Variants in TSHZ1 observed in about 807,000 individuals in gnomAD.
TSHZ1 encodes the protein teashirt zinc finger homeobox 1.
A neutral mutation model predicts 67.1 loss-of-function variants in TSHZ1; 12 were observed. That is an observed-to-expected ratio of 0.18 (90% confidence interval 0.11 to 0.29). The LOEUF is 0.29. TSHZ1 is among the 10% of genes least tolerant of loss of function. The pLI is 1.00. For synonymous variants in TSHZ1, 632 were observed against 622.4 expected (o/e 1.02, Z -0.23); for missense variants, 1,305 against 1,413.9 (o/e 0.92, Z 1.23).
chr18:75,212,429 A>C (rs536165918), intron 1 of TSHZ1, among the ~76,000 whole-genome samples: 1 of 151,762 alleles, frequency 6.6e-6, no homozygotes, highest in Non-Finnish European at 1.5e-5. Flanking sequence ...TATTACCTCT[A>C]AAGATGTCTT....
chr18:75,287,033 C>A lies in TSHZ1; in HGVS notation c.1626C>A (p.Asp542Glu). ...LYPYLREEDL[D>E]DSPKGGLDIL... ...CGTACCTGCGTGAGGAGGACCTGGA[C>A]GACAGCCCCAAGGGAGGGCTGGACA... is the stretch of plus-strand genomic sequence containing the variant. Residue 542 changes from aspartate (D) to glutamate (E), a missense_variant, in exon 2 of 2, where the codon GAC becomes GAA. Transcript: ENST00000580243. This position sits in a 1 kb window ranked among gnomAD's most constrained non-coding sequence, Gnocchi z 5.0. 6.2e-7 allele frequency: 1 copy of A among 1,613,972 alleles called. No homozygotes were observed. Among genetic ancestry groups the A allele is most frequent in the South Asian group, 1.1e-5 (1 of 91,080 alleles).
chr18:75,218,787 A>T (rs999864211), intron 1 of TSHZ1, among the ~76,000 whole-genome samples: 1 of 152,260 alleles, frequency 6.6e-6, no homozygotes, highest in Non-Finnish European at 1.5e-5. Context: ...ATGGACAAAG[A>T]ACAGCAAGTG....
At chr18:75,243,519 T>G (rs1046345943) in intron 1 of TSHZ1, among the ~76,000 whole-genome samples, 1 of 151,700 alleles carries the variant, frequency 6.6e-6, no homozygotes, top group African/African-American at 2.4e-5. Context: ...CTGGGTGGGC[T>G]GAGGGGTGGG....
At chr18:75,262,880 C>T (rs1273062870) in intron 1 of TSHZ1, among the ~76,000 whole-genome samples, 1 of 152,204 alleles carries the variant, frequency 6.6e-6, no homozygotes, top group East Asian at 1.9e-4. Context: ...CTTCGAGGGG[C>T]TCAGAGAACA....
chr18:75,234,895 C>T (rs1181236310), intron 1 of TSHZ1, among the ~76,000 whole-genome samples: 1 of 152,158 alleles, frequency 6.6e-6, no homozygotes, highest in African/African-American at 2.4e-5. Context: ...TATTGTGGTG[C>T]ACCACAGTGC....
chr18:75,287,912 C>T lies in TSHZ1; in HGVS notation c.2505C>T (p.Ser835=), dbSNP rs142726083. 1.9e-5 allele frequency: 30 copies of T among 1,614,186 alleles called. No individual in the cohort carries two copies. The African/African-American group carries it at 2.3e-4, about 12-fold the overall frequency. Residue 835 remains serine (S), a synonymous_variant, in exon 2 of 2, where the codon AGC becomes AGT. Coordinates refer to ENST00000580243, the MANE Select transcript of TSHZ1 (RefSeq NM_001308210.2). This position sits in a 1 kb window ranked among gnomAD's most constrained non-coding sequence, Gnocchi z 5.0. ...CGGTGGCATCACCTCTGCGGGAGAG[C>T]GCACTCATGGACATCTCCGACATGG... ...ADSVASPLRE[S]ALMDISDMVK... is the part of the protein sequence containing the mutation.
In TSHZ1 at chr18:75,257,056, G is replaced by A. The variant is rs890819836; in HGVS notation, c.41-28392G>A. ...GATGTGCATTTGTTGCTTCAAAGATGTATGTGAAACACCCTACTCTATCTG... is the reference window on the plus strand; with the variant it reads ...GATGTGCATTTGTTGCTTCAAAGATATATGTGAAACACCCTACTCTATCTG... On this transcript the variant is annotated intron_variant, in intron 1 of 1. Transcript: ENST00000580243. Among the ~76,000 whole-genome samples, 28 of 152,326 alleles carry A rather than the reference G, an allele frequency of 1.8e-4. 1 individual carries two copies. The highest frequency in any genetic ancestry group is 6.3e-4 in the African/African-American group (26 of 41,582).
chr18:75,267,329 A>G (rs1011184468), intron 1 of TSHZ1, among the ~76,000 whole-genome samples: 2 of 152,222 alleles, frequency 1.3e-5, no homozygotes, highest in African/African-American at 2.4e-5. Context: ...GACAGACCCC[A>G]TCTCACCCAT....
intron 1 of TSHZ1, among the ~76,000 whole-genome samples, chr18:75,271,179 C>T (rs762890278): frequency 2.6e-5 from 4 of 151,984 alleles, no homozygotes; most frequent in Non-Finnish European, 5.9e-5. Flanking sequence ...CACAGGCAGC[C>T]GATCAGAAGA....
At chr18:75,214,865 G>A (rs1055063432) in intron 1 of TSHZ1, among the ~76,000 whole-genome samples, 3 of 152,090 alleles carry the variant, frequency 2.0e-5, no homozygotes, top group Non-Finnish European at 4.4e-5. Flanking sequence ...CAGGCGTAAC[G>A]ATTAATGCGG....
At chr18:75,254,769 A>G (rs1334345941) in intron 1 of TSHZ1, among the ~76,000 whole-genome samples, 1 of 152,212 alleles carries the variant, frequency 6.6e-6, no homozygotes, top group Non-Finnish European at 1.5e-5. Context: ...TCTGGTTATC[A>G]CTGATCGCTC....
chr18:75,281,998 C>A lies in TSHZ1; in HGVS notation c.41-3450C>A, dbSNP rs2023693086. Reference sequence around the variant, plus strand: ...GTCCCTAGGGCAGGGACTTTATGGACCCCCTCCTTCGACGTCCGCACTCCC... The same window carrying A: ...GTCCCTAGGGCAGGGACTTTATGGAACCCCTCCTTCGACGTCCGCACTCCC... On this transcript the variant is annotated intron_variant, in intron 1 of 1. Transcript: ENST00000580243. This position sits in a 1 kb window ranked among gnomAD's most constrained non-coding sequence, Gnocchi z 5.3. 6.6e-6 allele frequency among the ~76,000 whole-genome samples: 1 copy of A among 152,128 alleles called. No individual in the cohort carries two copies. Among genetic ancestry groups the A allele is most frequent in the African/African-American group, 2.4e-5 (1 of 41,426 alleles).
intron 1 of TSHZ1, chr18:75,284,329 C>G (rs2023723279): frequency 6.6e-6 from 1 of 152,648 alleles, no homozygotes; most frequent in Non-Finnish European, 1.5e-5. Flanking sequence ...AGTCGCTCCG[C>G]TGTGCAGTCG....
At chr18:75,268,978 A>T (rs949611118) in intron 1 of TSHZ1, among the ~76,000 whole-genome samples, 1 of 152,188 alleles carries the variant, frequency 6.6e-6, no homozygotes, top group Non-Finnish European at 1.5e-5. Context: ...GAGCCTTCAG[A>T]ACTTGGGAAG....
At chr18:75,237,788 TTTCA>T (rs896777505) in intron 1 of TSHZ1, among the ~76,000 whole-genome samples, 6 of 87,808 alleles carry the variant, frequency 6.8e-5, no homozygotes, top group African/African-American at 1.8e-4. Flanking sequence ...GCCTTCTTTC[TTTCA>T]TTTATTTATT....
At chr18:75,282,209 G>A (rs1419883459) in intron 1 of TSHZ1, among the ~76,000 whole-genome samples, 5 of 152,186 alleles carry the variant, frequency 3.3e-5, no homozygotes, top group Admixed American at 6.5e-5. Flanking sequence ...GTCTTGGAGC[G>A]TGGTCTGGAC....
chr18:75,247,167 C>T (rs894212811), intron 1 of TSHZ1, among the ~76,000 whole-genome samples: 5 of 152,030 alleles, frequency 3.3e-5, no homozygotes, highest in Admixed American at 6.5e-5. Context: ...TTTCAGTTGC[C>T]GCATCGACCC....
intron 1 of TSHZ1, among the ~76,000 whole-genome samples, chr18:75,237,349 C>T (rs2023086413): frequency 6.6e-6 from 1 of 151,986 alleles, no homozygotes; most frequent in African/African-American, 2.4e-5. Context: ...TGGCGAAACC[C>T]CATATCTACA....
In TSHZ1 at chr18:75,251,402, G is replaced by A. The variant is rs180749026; in HGVS notation, c.41-34046G>A. 2.3e-3 allele frequency among the ~76,000 whole-genome samples: 354 copies of A among 150,924 alleles called. 2 individuals are homozygous for A. The highest frequency in any genetic ancestry group is 4.6e-3 in the Admixed American group (70 of 15,182). ...ATTTTTCAAACAAAGATGGGAGGAT[G>A]GTAGTATTTATTGGCTTGCTTTTTC... On this transcript the variant is annotated intron_variant, in intron 1 of 1. Transcript: ENST00000580243.
Sources: gnomAD v4.1 joint callset for allele counts (sites outside exome capture counted in the v4.1 genomes callset) on GRCh38, gnomAD v4.1.1 for gene constraint, Gnocchi (gnomAD v3.1) non-coding constraint, MANE v1.5 for transcripts, NCBI Gene and HGNC (gene_info 2026-07-23, HGNC 2026-07-21) for gene names.